TESC: variants seen among roughly 807,000 people sequenced by gnomAD.
TESC encodes the protein tescalcin, also known as calcineurin B homologous protein 3.
A neutral mutation model predicts 31.0 loss-of-function variants in TESC; 19 were observed. The observed-to-expected ratio is 0.61, with a 90% CI of 0.43 to 0.90. TESC has a LOEUF of 0.90. TESC is among the 40% of genes least tolerant of loss of function. The pLI, the probability that TESC is intolerant of heterozygous loss-of-function variation, is 0.00. For missense variants in TESC, 248 were observed against 303.8 expected, an observed-to-expected ratio of 0.82 and a Z score of 1.36; for synonymous variants, 109 against 114.8, an observed-to-expected ratio of 0.95 and a Z score of 0.32.
intron 1 of TESC, among the ~76,000 whole-genome samples, chr12:117,094,887 G>A (rs534125878): frequency 1.1e-4 from 16 of 151,564 alleles, no homozygotes; most frequent in African/African-American, 3.6e-4. Context: ...ATGGTGGCGG[G>A]CACCTGTAAT....
intron 2 of TESC, among the ~76,000 whole-genome samples, chr12:117,064,391 T>C (rs1272207158): frequency 1.3e-5 from 2 of 152,202 alleles, no homozygotes; most frequent in African/African-American, 2.4e-5. Context: ...AATGCCTCTT[T>C]GAAAAGCTGG....
intron 2 of TESC, among the ~76,000 whole-genome samples, chr12:117,063,466 C>T (rs1954826965): frequency 6.6e-6 from 1 of 152,186 alleles, no homozygotes; most frequent in Non-Finnish European, 1.5e-5. Flanking sequence ...GGCTCTTCCT[C>T]AAGCCTCGTG....
chr12:117,096,677 G>A (rs1337842172), intron 1 of TESC, among the ~76,000 whole-genome samples: 2 of 152,008 alleles, frequency 1.3e-5, no homozygotes, highest in Non-Finnish European at 2.9e-5. Flanking sequence ...CTATGACTAT[G>A]CCCATTTTAT....
intron 3 of TESC, among the ~76,000 whole-genome samples, chr12:117,055,917 T>C (rs1047324531): frequency 3.3e-5 from 5 of 149,958 alleles, no homozygotes; most frequent in African/African-American, 1.2e-4. Flanking sequence ...TTTTCCTTTT[T>C]TTTTTTTTTT....
At chr12:117,095,040 G>A (rs894946016) in intron 1 of TESC, among the ~76,000 whole-genome samples, 5 of 150,404 alleles carry the variant, frequency 3.3e-5, no homozygotes, top group African/African-American at 1.2e-4. Context: ...AAGAGAGAGA[G>A]ACAAGGTTAA....
intron 1 of TESC, among the ~76,000 whole-genome samples, chr12:117,077,204 C>T (rs1389973815): frequency 6.6e-6 from 1 of 152,188 alleles, no homozygotes; most frequent in Non-Finnish European, 1.5e-5. Context: ...TCTCTACTTC[C>T]TGTGGGCATG....
chr12:117,079,149 CTTTTT>C (rs754832852), intron 1 of TESC, among the ~76,000 whole-genome samples: 1 of 152,056 alleles, frequency 6.6e-6, no homozygotes, highest in African/African-American at 2.4e-5. Context: ...GTTTTGTTTT[CTTTTT>C]TTTATTTGTC....
intron 6 of TESC, among the ~76,000 whole-genome samples, chr12:117,042,314 T>C (rs745786393): frequency 2.6e-5 from 4 of 151,058 alleles, no homozygotes; most frequent in Non-Finnish European, 5.9e-5. Context: ...GAATCCGAGG[T>C]GTGGGTGACA....
chr12:117,075,913 A>ATGTGTGTGTG lies in TESC; in HGVS notation c.59-583_59-574dup, dbSNP rs1172157385. 3.4e-3 allele frequency among the ~76,000 whole-genome samples: 179 copies of ATGTGTGTGTG among 51,918 alleles called. 2 individuals carry two copies. Among genetic ancestry groups the ATGTGTGTGTG allele is most frequent in the East Asian group, 0.014 (30 of 2,136 alleles). 34.1% of individuals were successfully genotyped at this position (51,918 alleles called of 152,430 possible). A position where few individuals can be genotyped will look rare whatever the true frequency, so the allele number is the denominator to read the frequency against. On this transcript the variant is annotated intron_variant, in intron 1 of 7. Transcript: ENST00000335209. ...TATATATATATATATATATATATAT[A>ATGTGTGTGTG]TGTGTGTGTGTATATATATATATAT...
chr12:117,040,248 G>A (rs974632377), intron 7 of TESC, among the ~76,000 whole-genome samples: 3 of 152,176 alleles, frequency 2.0e-5, no homozygotes, highest in Non-Finnish European at 2.9e-5. Context: ...CCAGTCGAGC[G>A]GCCCCATCCT....
intron 1 of TESC, among the ~76,000 whole-genome samples, chr12:117,075,985 A>ATATATATAT (rs1555232422): frequency 9.9e-6 from 1 of 100,646 alleles, no homozygotes; most frequent in African/African-American, 4.5e-5. Context: ...ATATATATAT[A>ATATATATAT]TTTTTTTTTT....
chr12:117,065,336 C>T (rs1246426815), intron 2 of TESC, among the ~76,000 whole-genome samples: 3 of 152,094 alleles, frequency 2.0e-5, no homozygotes, highest in Non-Finnish European at 2.9e-5. Flanking sequence ...AAATCCTGGG[C>T]TCCTTGGGAG....
At chr12:117,092,202 C>T (rs1314348839) in intron 1 of TESC, among the ~76,000 whole-genome samples, 3 of 152,116 alleles carry the variant, frequency 2.0e-5, no homozygotes, top group Admixed American at 6.5e-5. Context: ...TTTTAAGGAG[C>T]GGAACTGGTG....
chr12:117,060,753 T>C (rs1213786720), intron 2 of TESC, among the ~76,000 whole-genome samples: 2 of 152,102 alleles, frequency 1.3e-5, no homozygotes, highest in African/African-American at 4.8e-5. Context: ...CGTACAGCCA[T>C]GCTCTTACCA....
At chr12:117,092,230 G>C (rs1357368039) in intron 1 of TESC, among the ~76,000 whole-genome samples, 1 of 152,214 alleles carries the variant, frequency 6.6e-6, no homozygotes, top group Admixed American at 6.5e-5. Flanking sequence ...GAAGGACACA[G>C]CCTGGATGAG....
chr12:117,045,950 A>C (rs1592992096), intron 6 of TESC, among the ~76,000 whole-genome samples: 1 of 152,218 alleles, frequency 6.6e-6, no homozygotes, highest in African/African-American at 2.4e-5. Flanking sequence ...AGGAAAGATC[A>C]TAAGGTCTAG....
intron 2 of TESC, among the ~76,000 whole-genome samples, chr12:117,057,157 T>A (rs1954738074): frequency 6.6e-6 from 1 of 152,194 alleles, no homozygotes; most frequent in Non-Finnish European, 1.5e-5. Flanking sequence ...TGGAGTGCAG[T>A]GGTGCGATCA....
Position 117,044,564 on chromosome 12 carries a change from A to C in TESC, c.519+1995T>G, listed in dbSNP as rs147972403. Among the ~76,000 whole-genome samples, 906 of 152,308 alleles carry C rather than the reference A, an allele frequency of 5.9e-3. 5 individuals are homozygous for C. Among genetic ancestry groups the C allele is most frequent in the African/African-American group, 0.019 (802 of 41,576 alleles). On this transcript the variant is annotated intron_variant, in intron 6 of 7. Transcript: ENST00000335209. ...GAATGCCCAGTGAAGCAGTCCCCCC[A>C]TCAAGCATCCATGGGTGTGACCTCC...
At chr12:117,042,804 C>A (rs373597177) in intron 6 of TESC, among the ~76,000 whole-genome samples, 38 of 152,290 alleles carry the variant, frequency 2.5e-4, no homozygotes, top group African/African-American at 8.7e-4. Flanking sequence ...CAATAGAAGG[C>A]GAGGGACATA....
Sources: gnomAD v4.1 joint callset for allele counts (sites outside exome capture counted in the v4.1 genomes callset) on GRCh38, gnomAD v4.1.1 for gene constraint, MANE v1.5 for transcripts, NCBI Gene and HGNC (gene_info 2026-07-23, HGNC 2026-07-21) for gene names.